Variants in GALNT2 observed in about 807,000 individuals in gnomAD.
GALNT2 encodes the protein UDP-GalNAc:polypeptide N-acetylgalactosaminyltransferase 2.
In GALNT2, 31 loss-of-function variants were observed where a neutral mutation model predicts 81.4. That is an observed-to-expected ratio of 0.38 (90% CI 0.29 to 0.51). The LOEUF is 0.51. Among genes scored for constraint, GALNT2 ranks in the 20% least tolerant of loss-of-function variants. GALNT2 has a pLI of 0.87. For missense variants in GALNT2, 629 were observed against 765.7 expected (o/e 0.82, Z 2.11); for synonymous variants, 303 against 287.4 (o/e 1.05, Z -0.55).
chr1:230,273,824 C>G (rs956861180), intron 14 of GALNT2, among the ~76,000 whole-genome samples: 4 of 152,182 alleles, frequency 2.6e-5, no homozygotes, highest in Non-Finnish European at 5.9e-5. Flanking sequence ...GCACATAGCA[C>G]CCCATTAAAT....
intron 1 of GALNT2, among the ~76,000 whole-genome samples, chr1:230,173,849 T>A (rs1662872106): frequency 6.6e-6 from 1 of 152,192 alleles, no homozygotes; most frequent in Non-Finnish European, 1.5e-5. Context: ...AACGAAAAAC[T>A]TCCACTGCAG....
intron 3 of GALNT2, among the ~76,000 whole-genome samples, chr1:230,211,305 G>A (rs1011379154): frequency 2.0e-5 from 3 of 152,182 alleles, no homozygotes; most frequent in Admixed American, 2.0e-4. Flanking sequence ...GCCACACGGG[G>A]TGTCACAGGT....
At chr1:230,163,537 A>T (rs752008150) in intron 1 of GALNT2, among the ~76,000 whole-genome samples, 47 of 152,214 alleles carry the variant, frequency 3.1e-4, no homozygotes, top group Non-Finnish European at 5.3e-4. Flanking sequence ...TGCTAGCATC[A>T]TCATGTATGT....
At chr1:230,107,457 G>A (rs1178328067) in intron 1 of GALNT2, among the ~76,000 whole-genome samples, 2 of 152,140 alleles carry the variant, frequency 1.3e-5, no homozygotes, top group African/African-American at 4.8e-5. Context: ...GCACACACCT[G>A]TAGTCCCACC....
intron 1 of GALNT2, among the ~76,000 whole-genome samples, chr1:230,120,375 G>A (rs559275580): frequency 1.8e-4 from 28 of 152,000 alleles, no homozygotes; most frequent in Non-Finnish European, 3.8e-4. Flanking sequence ...GATGTCATCT[G>A]CTCCCATGTC....
At chr1:230,218,267 T>G (rs184699127) in intron 3 of GALNT2, among the ~76,000 whole-genome samples, 1 of 152,278 alleles carries the variant, frequency 6.6e-6, no homozygotes, top group Admixed American at 6.5e-5. Flanking sequence ...GCCACTGAGT[T>G]TCTTAACCAA....
intron 3 of GALNT2, among the ~76,000 whole-genome samples, chr1:230,217,592 A>G (rs752868015): frequency 3.3e-5 from 5 of 152,250 alleles, no homozygotes; most frequent in Admixed American, 6.5e-5. Flanking sequence ...GAGACTGGGT[A>G]ACTTACAAAG....
chr1:230,195,482 A>T (rs1572073313), intron 2 of GALNT2, among the ~76,000 whole-genome samples: 1 of 151,994 alleles, frequency 6.6e-6, no homozygotes, highest in African/African-American at 2.4e-5. Context: ...GCAGCTAGGG[A>T]CCCCAGGGAG....
chr1:230,177,239 C>T (rs1572052897), intron 1 of GALNT2, among the ~76,000 whole-genome samples: 1 of 152,260 alleles, frequency 6.6e-6, no homozygotes, highest in East Asian at 1.9e-4. Flanking sequence ...GGTGAACGTG[C>T]GTGCAGCACA....
At chr1:230,224,063 C>G (rs1664634609) in intron 3 of GALNT2, among the ~76,000 whole-genome samples, 1 of 152,204 alleles carries the variant, frequency 6.6e-6, no homozygotes, top group South Asian at 2.1e-4. Context: ...GAAAGCACAT[C>G]TCTTCATGGA....
chr1:230,214,929 T>C (rs1337946520), intron 3 of GALNT2, among the ~76,000 whole-genome samples: 1 of 152,224 alleles, frequency 6.6e-6, no homozygotes, highest in East Asian at 1.9e-4. Context: ...GCTGAATTCT[T>C]CATTTCAGTG....
chr1:230,102,145 G>T (rs921059185), intron 1 of GALNT2, among the ~76,000 whole-genome samples: 3 of 152,170 alleles, frequency 2.0e-5, no homozygotes, highest in Non-Finnish European at 4.4e-5. Flanking sequence ...AACTTTGCCT[G>T]TTCTCTTGGA....
At chr1:230,165,792 G>T (rs1179183505) in intron 1 of GALNT2, among the ~76,000 whole-genome samples, 1 of 152,126 alleles carries the variant, frequency 6.6e-6, no homozygotes, top group African/African-American at 2.4e-5. Context: ...GAGGGAGGGA[G>T]GCCCTCGGAG....
At chr1:230,256,719 C>A (rs1665726844) in intron 11 of GALNT2, among the ~76,000 whole-genome samples, 2 of 152,200 alleles carry the variant, frequency 1.3e-5, no homozygotes, top group South Asian at 2.1e-4. Context: ...CTAGGGAATT[C>A]TCTTACATGC....
rs909036132 is a variant in GALNT2, at chr1:230,275,448, C to A, written c.1560+884C>A. 6.7e-6 allele frequency among the ~76,000 whole-genome samples: 1 copy of A among 150,370 alleles called. No homozygotes were observed. The highest frequency in any genetic ancestry group is 1.5e-5 in the Non-Finnish European group (1 of 67,548). ...TATACACACCACATATATATACACG[C>A]CACATATATACATATATACAAACAC... On this transcript the variant is annotated intron_variant, in intron 15 of 15. Transcript: ENST00000366672. This position sits in a 1 kb window ranked among gnomAD's most constrained non-coding sequence, Gnocchi z 5.5.
intron 3 of GALNT2, among the ~76,000 whole-genome samples, chr1:230,207,249 G>A (rs1164781121): frequency 6.6e-6 from 1 of 151,974 alleles, no homozygotes; most frequent in Non-Finnish European, 1.5e-5. Context: ...AGGAAAGGGG[G>A]ATATTTAAGT....
intron 1 of GALNT2, among the ~76,000 whole-genome samples, chr1:230,154,664 G>T (rs1411990331): frequency 6.6e-6 from 1 of 152,194 alleles, no homozygotes; most frequent in Non-Finnish European, 1.5e-5. Flanking sequence ...CACGTGGAGG[G>T]AAGACAGTGA....
rs527524617 is a variant in GALNT2 at position 230,141,032 on chromosome 1, T to C, written c.127-37186T>C. On this transcript the variant is annotated intron_variant, in intron 1 of 15. Transcript: ENST00000366672. ...AAATGTGTGTCTATTTTGAAACAAA[T>C]GACAAACGAAACAAGAATGCATAGA... Among the ~76,000 whole-genome samples the C allele has an allele frequency of 1.4e-4, 21 of 152,304 alleles. No homozygotes were observed. The South Asian group carries it at 4.1e-3, about 30-fold the overall frequency.
intron 6 of GALNT2, among the ~76,000 whole-genome samples, chr1:230,237,842 TA>T (rs773679796): frequency 6.1e-3 from 846 of 139,714 alleles, no homozygotes; most frequent in African/African-American, 6.9e-3. Flanking sequence ...GCACAGGCTT[TA>T]AAAAAAAAAA....
Sources: gnomAD v4.1 joint callset for allele counts (sites outside exome capture counted in the v4.1 genomes callset) on GRCh38, gnomAD v4.1.1 for gene constraint, Gnocchi (gnomAD v3.1) non-coding constraint, MANE v1.5 for transcripts, NCBI Gene and HGNC (gene_info 2026-07-23, HGNC 2026-07-21) for gene names.